PRTFDC1: variants seen among roughly 807,000 people sequenced by gnomAD.
PRTFDC1 encodes phosphoribosyl transferase domain containing 1, also known as phosphoribosyltransferase domain-containing protein 1.
A neutral mutation model predicts 34.6 loss-of-function variants in PRTFDC1; 38 were observed. That is an observed-to-expected ratio of 1.10 (90% CI 0.85 to 1.44). The LOEUF (loss-of-function observed/expected upper bound fraction) is 1.44, where lower values mean the gene tolerates loss of function less well. PRTFDC1 is among the 40% of genes most tolerant of loss of function. The pLI is 0.00. For missense variants in PRTFDC1, 270 were observed against 283.0 expected, an observed-to-expected ratio of 0.95 and a Z score of 0.33; for synonymous variants, 93 against 98.1, an observed-to-expected ratio of 0.95 and a Z score of 0.31.
intron 3 of PRTFDC1, among the ~76,000 whole-genome samples, chr10:24,909,455 C>G (rs573202171): frequency 4.9e-4 from 75 of 152,252 alleles, no homozygotes; most frequent in African/African-American, 1.8e-3. Context: ...GCTATGGATC[C>G]TTTTAAGGAT....
intron 3 of PRTFDC1, among the ~76,000 whole-genome samples, chr10:24,909,851 A>G (rs896947117): frequency 2.0e-5 from 3 of 152,102 alleles, no homozygotes; most frequent in South Asian, 4.1e-4. Flanking sequence ...AAACATTCCA[A>G]CGAAATACAT....
chr10:24,917,327 G>C (rs368957402), intron 3 of PRTFDC1, among the ~76,000 whole-genome samples: 50 of 152,268 alleles, frequency 3.3e-4, no homozygotes, highest in African/African-American at 1.1e-3. Context: ...AAAGTGTGGT[G>C]GGGGTAGGGA....
intron 4 of PRTFDC1, among the ~76,000 whole-genome samples, chr10:24,868,796 T>A (rs574827447): frequency 0.083 from 627 of 7,580 alleles, 5 homozygotes; most frequent in African/African-American, 0.19. Flanking sequence ...TCCTTTTACA[T>A]TTTTTTTTTT....
intron 7 of PRTFDC1, among the ~76,000 whole-genome samples, chr10:24,852,870 C>G (rs1335131293): frequency 1.3e-5 from 2 of 152,050 alleles, no homozygotes; most frequent in African/African-American, 2.4e-5. Flanking sequence ...AAGAAAACGA[C>G]TGGTTCATGC....
At chr10:24,906,694 T>A (rs1848541415) in intron 3 of PRTFDC1, among the ~76,000 whole-genome samples, 1 of 152,150 alleles carries the variant, frequency 6.6e-6, no homozygotes, top group Admixed American at 6.5e-5. Flanking sequence ...ATCAAGGAAA[T>A]AAAAAGGAGA....
intron 4 of PRTFDC1, among the ~76,000 whole-genome samples, chr10:24,870,734 T>G (rs1203924025): frequency 1.3e-5 from 2 of 152,202 alleles, no homozygotes; most frequent in Admixed American, 6.5e-5. Flanking sequence ...CACAATTTAC[T>G]GCTAGATAGC....
chr10:24,861,054 A>G (rs1461982881), intron 4 of PRTFDC1, among the ~76,000 whole-genome samples: 1 of 152,108 alleles, frequency 6.6e-6, no homozygotes, highest in African/African-American at 2.4e-5. Flanking sequence ...GCAAAACAAT[A>G]GAGTCATCTT....
chr10:24,870,355 A>T (rs1019344836), intron 4 of PRTFDC1, among the ~76,000 whole-genome samples: 2 of 152,086 alleles, frequency 1.3e-5, no homozygotes, highest in African/African-American at 4.8e-5. Context: ...TGATCTGCCC[A>T]TCTCGGCCTC....
chr10:24,943,146 C>T (rs913801980), intron 1 of PRTFDC1, among the ~76,000 whole-genome samples: 2 of 151,062 alleles, frequency 1.3e-5, no homozygotes, highest in Admixed American at 1.3e-4. Flanking sequence ...ATTATACATA[C>T]TATTACATTT....
At chr10:24,909,538 A>G (rs1848595077) in intron 3 of PRTFDC1, among the ~76,000 whole-genome samples, 2 of 152,194 alleles carry the variant, frequency 1.3e-5, no homozygotes, top group Non-Finnish European at 2.9e-5. Flanking sequence ...AGAGAGTATC[A>G]GCAAATGCTA....
At chr10:24,866,357 C>A (rs1443841345) in intron 4 of PRTFDC1, among the ~76,000 whole-genome samples, 11 of 139,458 alleles carry the variant, frequency 7.9e-5, no homozygotes, top group African/African-American at 2.7e-4. Flanking sequence ...CGAGATTCTG[C>A]CTCAAAAAAA....
chr10:24,917,981 T>A (rs1848722664), intron 3 of PRTFDC1, among the ~76,000 whole-genome samples: 1 of 152,186 alleles, frequency 6.6e-6, no homozygotes, highest in Non-Finnish European at 1.5e-5. Context: ...ACTTTTTTGG[T>A]TCATTTTTTT....
chr10:24,889,092 T>C (rs540273997), intron 3 of PRTFDC1, among the ~76,000 whole-genome samples: 2 of 152,194 alleles, frequency 1.3e-5, no homozygotes, highest in East Asian at 3.9e-4. Context: ...GTGGGGACTT[T>C]GGGGGGTGAT....
intron 3 of PRTFDC1, among the ~76,000 whole-genome samples, chr10:24,898,349 A>G (rs1358168357): frequency 6.7e-6 from 1 of 149,828 alleles, no homozygotes; most frequent in African/African-American, 2.5e-5. Context: ...CTGGAGTGTC[A>G]GCTACTCGGG....
intron 3 of PRTFDC1, among the ~76,000 whole-genome samples, chr10:24,908,060 C>A (rs1848563944): frequency 1.3e-5 from 2 of 152,144 alleles, no homozygotes; most frequent in Admixed American, 1.3e-4. Context: ...TACTTGAGGG[C>A]AACACTGCTT....
At chr10:24,918,613 C>T (rs1588613708) in intron 3 of PRTFDC1, among the ~76,000 whole-genome samples, 1 of 151,848 alleles carries the variant, frequency 6.6e-6, no homozygotes, top group Admixed American at 6.6e-5. Flanking sequence ...CTAGGTCTCA[C>T]TATGTTGCCC....
rs750133548 is a variant in PRTFDC1 at position 24,856,916 on chromosome 10, G to C, written c.503C>G (p.Ala168Gly). 4.4e-5 allele frequency: 71 copies of C among 1,609,380 alleles called. No homozygotes were observed. The highest frequency in any genetic ancestry group is 5.5e-5 in the Non-Finnish European group (65 of 1,175,782). Residue 168 changes from alanine to glycine, a missense_variant, in exon 6 of 9, where the codon GCC (alanine) becomes GGC (glycine). Transcript: ENST00000320152. ...ATGCTATGAATGTCCAACTCACCTGGCTACCTTAATCATGTTGGGCTTGTA... is the reference window on the plus strand; with the variant it reads ...ATGCTATGAATGTCCAACTCACCTGCCTACCTTAATCATGTTGGGCTTGTA... ...EKYKPNMIKV[A>G]SLLVKRTSRS...
In PRTFDC1 at chr10:24,952,601, G is replaced by C. The variant is rs1377689001; in HGVS notation, c.-26C>G. On this transcript the variant is annotated 5_prime_UTR_variant, in exon 1 of 9. Transcript: ENST00000320152. This position sits in a 1 kb window ranked among gnomAD's most constrained non-coding sequence, Gnocchi z 5.1. ...GTTTCTCCCGGGGAACGCGGGAAGG[G>C]AAGACGGCGCGGGAAGGAGCAGGGA... 1.3e-6 allele frequency: 2 copies of C among 1,485,768 alleles called. No individual in the cohort carries two copies. The highest frequency in any genetic ancestry group is 9.1e-7 in the Non-Finnish European group (1 of 1,100,568). 92.0% of individuals were successfully genotyped at this position (1,485,768 alleles called of 1,614,324 possible).
chr10:24,927,928 C>T (rs1848906443), intron 3 of PRTFDC1, among the ~76,000 whole-genome samples: 1 of 152,130 alleles, frequency 6.6e-6, no homozygotes, highest in Non-Finnish European at 1.5e-5. Flanking sequence ...ACAATGTTTT[C>T]TGTTATATTT....
Sources: allele counts gnomAD v4.1 joint callset (sites outside exome capture counted in the v4.1 genomes callset), GRCh38; gene constraint gnomAD v4.1.1; non-coding constraint Gnocchi (gnomAD v3.1); transcripts MANE v1.5; gene names NCBI Gene and HGNC (gene_info 2026-07-23, HGNC 2026-07-21).